Variants in ZNF333 observed in about 807,000 individuals in gnomAD.
The protein encoded by ZNF333 is zinc finger protein 333.
ZNF333 carries 61 observed loss-of-function variants against 76.1 expected under a neutral mutation model. That is an observed-to-expected ratio of 0.80 (90% CI 0.65 to 0.99). The LOEUF is 0.99. Ranked by LOEUF, ZNF333 falls within the 50% of genes least tolerant of loss-of-function variation. ZNF333 has a pLI of 0.00. For missense variants in ZNF333, 717 were observed against 822.4 expected (o/e 0.87, Z 1.57); for synonymous variants, 284 against 305.0 (o/e 0.93, Z 0.72).
At chr19:14,711,791 C>T (rs917289496) in intron 7 of ZNF333, among the ~76,000 whole-genome samples, 1 of 152,042 alleles carries the variant, frequency 6.6e-6, no homozygotes, top group South Asian at 2.1e-4. Flanking sequence ...GTGAAAGGCA[C>T]CCAGGCTTAT....
chr19:14,690,149 AG>A lies in ZNF333; in HGVS notation c.-42+1del. 8.3e-6 allele frequency: 1 copy of A among 120,288 alleles called. No individual in the cohort carries two copies. The highest frequency in any genetic ancestry group is 1.7e-5 in the Non-Finnish European group (1 of 59,788). The allele number at this position is 120,288 out of a possible 1,614,324, so 7.5% of individuals were successfully genotyped here. A position where few individuals can be genotyped will look rare whatever the true frequency, so the allele number is the denominator to read the frequency against. On this transcript the variant is annotated splice_region_variant and 5_prime_UTR_variant, in exon 1 of 12. Coordinates refer to ENST00000292530, the MANE Select transcript of ZNF333 (RefSeq NM_032433.4). ...GTGGGAGTGTCTCCGGCTGGCTTGCAGGTGTGGCCCGGCCCCTCGGGAGGGC... is the reference window on the plus strand; with the variant it reads ...GTGGGAGTGTCTCCGGCTGGCTTGCAGTGTGGCCCGGCCCCTCGGGAGGGC...
At position 14,695,663 on chromosome 19, in the gene ZNF333, T is replaced by G. The variant is rs748218100; in HGVS notation, c.223+2T>G. ...GGATTCTCCGTGCCACAGGTGTTGGTGAGTACCAGGCAGGCTGTGGATCCC... is the reference window on the plus strand; with the variant it reads ...GGATTCTCCGTGCCACAGGTGTTGGGGAGTACCAGGCAGGCTGTGGATCCC... On this transcript the variant is annotated splice_donor_variant, in intron 4 of 11. Coordinates refer to ENST00000292530, the MANE Select transcript of ZNF333 (RefSeq NM_032433.4). LOFTEE classifies it high-confidence loss of function. The G allele has an allele frequency of 6.2e-7, 1 of 1,613,706 alleles. No homozygotes were observed. Among genetic ancestry groups the G allele is most frequent in the Non-Finnish European group, 8.5e-7 (1 of 1,179,876 alleles).
rs757328866 is a variant in ZNF333, at chr19:14,718,589, C to T, written c.1262C>T (p.Pro421Leu). 6 of 1,614,064 alleles carry T rather than the reference C, an allele frequency of 3.7e-6. No homozygotes were observed. In the South Asian group the frequency reaches 6.6e-5, roughly 18 times the overall value. Residue 421 changes from proline to leucine, a missense_variant, in exon 12 of 12, where the codon CCA (proline) becomes CTA (leucine). Coordinates refer to ENST00000292530, the MANE Select transcript of ZNF333 (RefSeq NM_032433.4). ...ATGAGAACCCATACCGGAGAGAAGCCATTTGAATGTAGTCAGTGTGGGAAA... is the reference window on the plus strand; with the variant it reads ...ATGAGAACCCATACCGGAGAGAAGCTATTTGAATGTAGTCAGTGTGGGAAA... ...RHMRTHTGEK[P>L]FECSQCGKTF...
intron 6 of ZNF333, chr19:14,705,958 GA>G: frequency 2.6e-6 from 1 of 386,064 alleles, no homozygotes; most frequent in Non-Finnish European, 5.3e-6. Flanking sequence ...AGCCCTGCAT[GA>G]GGAGAAAAGG....
chr19:14,731,784 C>T (rs911441695), exon 12 of ZNF333: 6 of 152,170 alleles, frequency 3.9e-5, no homozygotes, highest in Non-Finnish European at 8.8e-5. Context: ...TCTTTATTTT[C>T]TTACTTAATA....
intron 10 of ZNF333, 136 bp from the exon 11 acceptor site, chr19:14,717,521 T>C (rs1374117839): frequency 1.9e-5 from 13 of 688,928 alleles, no homozygotes; most frequent in Non-Finnish European, 3.2e-5. Flanking sequence ...TTCCTTCTCA[T>C]TGCAATTTCT....
At chr19:14,696,373 A>G (rs1297613899) in intron 4 of ZNF333, among the ~76,000 whole-genome samples, 1 of 152,074 alleles carries the variant, frequency 6.6e-6, no homozygotes, top group Non-Finnish European at 1.5e-5. Context: ...CCTGGCAGCC[A>G]CTAATCTGCT....
chr19:14,721,920 A>G (rs1218765508), downstream of ZNF333: 1 of 152,208 alleles, frequency 6.6e-6, no homozygotes, highest in Non-Finnish European at 1.5e-5. Context: ...ATAGGTATTC[A>G]TTTCTCTTGA....
chr19:14,733,332 G>A (rs2042695245), exon 12 of ZNF333: 1 of 151,972 alleles, frequency 6.6e-6, no homozygotes, highest in South Asian at 2.1e-4. Context: ...ACTATAAGCA[G>A]CCAAAAAAAG....
chr19:14,699,159 C>G, intron 4 of ZNF333, 40 bp from the exon 5 acceptor site: 8 of 1,480,862 alleles, frequency 5.4e-6, no homozygotes, highest in Non-Finnish European at 7.6e-6. Flanking sequence ...GTCACTATTT[C>G]TTTCTGAAAG....
At position 14,715,365 on chromosome 19, in the gene ZNF333, C is replaced by G; in HGVS notation, c.512-17C>G. 6.2e-7 allele frequency: 1 copy of G among 1,613,032 alleles called. No homozygotes were observed. The highest frequency in any genetic ancestry group is 8.5e-7 in the Non-Finnish European group (1 of 1,179,518). ...AGGCCAGGCACCAACCCTCATGCCT[C>G]TTCCCTTCTCCCCTAGCTGTGCCTG... On this transcript the variant is annotated splice_polypyrimidine_tract_variant and intron_variant, in intron 7 of 11. Coordinates refer to ENST00000292530, the MANE Select transcript of ZNF333 (RefSeq NM_032433.4).
chr19:14,717,153 A>AGCC (rs2042458629), intron 10 of ZNF333, 64 bp downstream of exon 10: 6 of 1,444,268 alleles, frequency 4.2e-6, no homozygotes, highest in Non-Finnish European at 3.8e-6. Flanking sequence ...CAGTTTGGAA[A>AGCC]CTGTCTTATC....
chr19:14,717,542 A>G, intron 10 of ZNF333, 115 bp from the exon 11 acceptor site: 1 of 826,488 alleles, frequency 1.2e-6, no homozygotes, highest in South Asian at 1.5e-5. Context: ...TCCCGTACAT[A>G]GGACCAGTAT....
At chr19:14,704,197 C>G (rs2042045408) in intron 5 of ZNF333, among the ~76,000 whole-genome samples, 1 of 152,266 alleles carries the variant, frequency 6.6e-6, no homozygotes, top group African/African-American at 2.4e-5. Flanking sequence ...GCAGTGTGTT[C>G]AAGCCTCGAG....
downstream of ZNF333, among the ~76,000 whole-genome samples, chr19:14,722,528 T>C (rs2042601965): frequency 6.6e-6 from 1 of 152,232 alleles, no homozygotes; most frequent in Non-Finnish European, 1.5e-5. Flanking sequence ...AGATATATGA[T>C]TTGCAAATAT....
At position 14,720,577 on chromosome 19, in the gene ZNF333, G is replaced by T. The variant is rs2042564612; in HGVS notation, c.*1252G>T. The T allele has an allele frequency of 2.0e-6, 2 of 985,432 alleles. No homozygotes were observed. Among genetic ancestry groups the T allele is most frequent in the African/African-American group, 3.5e-5 (2 of 57,360 alleles). The allele number at this position is 985,432 out of a possible 1,614,324, so 61.0% of individuals were successfully genotyped here. On this transcript the variant is annotated 3_prime_UTR_variant, in exon 12 of 12. Transcript: ENST00000292530. ...TGGATGTCCCATACATGAAAAATAT[G>T]CACTTCTTACTGGTACAGTTTTCTT...
At position 14,718,601 on chromosome 19, in the gene ZNF333, G is replaced by A; in HGVS notation, c.1274G>A (p.Ser425Asn). The change falls in exon 12 of 12, where the codon AGT (serine) becomes AAT (asparagine). Residue 425 changes from serine (S) to asparagine (N), a missense_variant. By Grantham distance (46) the Ser-to-Asn change is conservative. Coordinates refer to ENST00000292530, the MANE Select transcript of ZNF333 (RefSeq NM_032433.4). ...THTGEKPFEC[S>N]QCGKTFTRNF... Reference sequence around the variant, plus strand: ...ACCGGAGAGAAGCCATTTGAATGTAGTCAGTGTGGGAAAACCTTCACGAGG... The same window carrying A: ...ACCGGAGAGAAGCCATTTGAATGTAATCAGTGTGGGAAAACCTTCACGAGG... The A allele has an allele frequency of 1.2e-6, 2 of 1,613,786 alleles. No homozygotes were observed. The highest frequency in any genetic ancestry group is 2.2e-5 in the South Asian group (2 of 91,054).
At position 14,718,438 on chromosome 19, in the gene ZNF333, T is replaced by C. The variant is rs2042501291; in HGVS notation, c.1111T>C (p.Cys371Arg). 6.2e-7 allele frequency: 1 copy of C among 1,614,132 alleles called. No individual in the cohort carries two copies. The highest frequency in any genetic ancestry group is 8.5e-7 in the Non-Finnish European group (1 of 1,180,024). The change falls in exon 12 of 12, where the codon TGT becomes CGT. Residue 371 changes from cysteine to arginine, a missense_variant. Cys to Arg is a radical substitution (Grantham distance 180). Coordinates refer to ENST00000292530, the MANE Select transcript of ZNF333 (RefSeq NM_032433.4). ...GGATAAATCCTATGCATGTAACAAA[T>C]GTGAAAAATCCTTCAGATACAGCTC... ...SGDKSYACNK[C>R]EKSFRYSSDL...
intron 5 of ZNF333, among the ~76,000 whole-genome samples, chr19:14,700,862 C>T (rs2041936333): frequency 6.6e-6 from 1 of 152,182 alleles, no homozygotes; most frequent in Non-Finnish European, 1.5e-5. Context: ...GGATGCCCCA[C>T]ACAGTGGATG....
Sources: gnomAD v4.1 joint callset for allele counts (sites outside exome capture counted in the v4.1 genomes callset) on GRCh38, gnomAD v4.1.1 for gene constraint, MANE v1.5 for transcripts, NCBI Gene and HGNC (gene_info 2026-07-23, HGNC 2026-07-21) for gene names.